CPSF3: variants seen among roughly 807,000 people sequenced by gnomAD.
CPSF3 encodes the protein cleavage and polyadenylation specificity factor subunit 3.
A neutral mutation model predicts 84.1 loss-of-function variants in CPSF3; 57 were observed. That is an observed-to-expected ratio of 0.68 (90% CI 0.55 to 0.85). CPSF3 has a LOEUF of 0.85. Among genes scored for constraint, CPSF3 ranks in the 40% least tolerant of loss-of-function variants. CPSF3 has a pLI of 0.00. For synonymous variants in CPSF3, 275 were observed against 278.1 expected, an observed-to-expected ratio of 0.99 and a Z score of 0.11; for missense variants, 522 against 838.8, an observed-to-expected ratio of 0.62 and a Z score of 4.66.
At chr2:9,457,845 T>C (rs1201320515) in intron 14 of CPSF3, among the ~76,000 whole-genome samples, 1 of 151,804 alleles carries the variant, frequency 6.6e-6, no homozygotes, top group Non-Finnish European at 1.5e-5. Flanking sequence ...CTCCACCTCC[T>C]AGGTTCAAAC....
chr2:9,429,856 C>T, intron 2 of CPSF3, 67 bp from the exon 3 acceptor site: 1 of 1,041,602 alleles, frequency 9.6e-7, no homozygotes, highest in Non-Finnish European at 1.5e-6. Context: ...AGAATTATTG[C>T]CTATTTGCCG....
chr2:9,434,925 A>G (rs1680722232), intron 6 of CPSF3, among the ~76,000 whole-genome samples: 1 of 152,246 alleles, frequency 6.6e-6, no homozygotes, highest in Non-Finnish European at 1.5e-5. Flanking sequence ...CATGTGGGCC[A>G]GTACATACTG....
chr2:9,437,524 A>G (rs1006413412), intron 7 of CPSF3, among the ~76,000 whole-genome samples: 5 of 152,140 alleles, frequency 3.3e-5, no homozygotes, highest in African/African-American at 1.2e-4. Flanking sequence ...TATGGATGAT[A>G]TTTTTTGTTT....
intron 1 of CPSF3, among the ~76,000 whole-genome samples, chr2:9,425,251 G>A (rs1457844216): frequency 2.0e-5 from 3 of 152,218 alleles, no homozygotes; most frequent in Non-Finnish European, 4.4e-5. Context: ...CAGATGAAGC[G>A]ACAGGCAGTT....
intron 7 of CPSF3, among the ~76,000 whole-genome samples, chr2:9,438,180 C>A (rs1193350848): frequency 6.6e-6 from 1 of 152,196 alleles, no homozygotes; most frequent in Non-Finnish European, 1.5e-5. Context: ...GAAATGACCC[C>A]AGATGAAAAG....
In CPSF3 at chr2:9,450,147, A is replaced by ATTTTT. The variant is rs750560891; in HGVS notation, c.1395+1816_1395+1820dup. ...CAAGTAGCTAGGACTACAGGCACAA[A>ATTTTT]TTTTTTTTTTTTTTTTTTTTTTTAG... On this transcript the variant is annotated intron_variant, in intron 11 of 17. Coordinates refer to ENST00000238112, the MANE Select transcript of CPSF3 (RefSeq NM_016207.4). Among the ~76,000 whole-genome samples, 6 of 122,688 alleles carry ATTTTT rather than the reference A, an allele frequency of 4.9e-5. 1 individual carries two copies. The highest frequency in any genetic ancestry group is 3.5e-5 in the Non-Finnish European group (2 of 56,778). 80.5% of individuals were successfully genotyped at this position (122,688 alleles called of 152,430 possible). A position where few individuals can be genotyped will look rare whatever the true frequency, so the allele number is the denominator to read the frequency against.
chr2:9,449,377 G>A (rs547008745), intron 11 of CPSF3, among the ~76,000 whole-genome samples: 6 of 152,198 alleles, frequency 3.9e-5, no homozygotes, highest in Admixed American at 2.0e-4. Context: ...GGTGAGCTGC[G>A]ATCGCGCCAA....
At chr2:9,432,812 T>TA in intron 5 of CPSF3, 124 bp downstream of exon 5, 2 of 652,380 alleles carry the variant, frequency 3.1e-6, no homozygotes, top group Non-Finnish European at 4.5e-6. Flanking sequence ...AAACATAAGA[T>TA]AAAAATACAG....
intron 7 of CPSF3, among the ~76,000 whole-genome samples, chr2:9,436,840 T>G (rs983992321): frequency 6.6e-6 from 1 of 151,378 alleles, no homozygotes; most frequent in Admixed American, 6.6e-5. Context: ...GCAACTCTCA[T>G]GCACTGCTGT....
chr2:9,435,013 G>C (rs560443576), intron 6 of CPSF3, among the ~76,000 whole-genome samples: 1 of 152,288 alleles, frequency 6.6e-6, no homozygotes, highest in Non-Finnish European at 1.5e-5. Context: ...TAATTTAAGG[G>C]AAGATTTATT....
chr2:9,440,927 T>G (rs550818814), intron 8 of CPSF3, among the ~76,000 whole-genome samples: 1 of 152,254 alleles, frequency 6.6e-6, no homozygotes, highest in South Asian at 2.1e-4. Context: ...GTCTTACCGC[T>G]TCTCAACAGG....
At chr2:9,436,163 C>T in intron 6 of CPSF3, 48 bp from the exon 7 acceptor site, 1 of 1,468,666 alleles carries the variant, frequency 6.8e-7, no homozygotes, top group Non-Finnish European at 9.1e-7. Context: ...CTTTTGAATT[C>T]TTGGAGGATC....
chr2:9,428,219 G>A (rs1229683605), intron 1 of CPSF3, among the ~76,000 whole-genome samples: 1 of 150,682 alleles, frequency 6.6e-6, no homozygotes. Context: ...GATGGGTCTC[G>A]ATATCCTGAT....
At chr2:9,456,422 T>G (rs1681528551) in intron 13 of CPSF3, among the ~76,000 whole-genome samples, 1 of 152,238 alleles carries the variant, frequency 6.6e-6, no homozygotes, top group Admixed American at 6.5e-5. Flanking sequence ...AGAATCTTTT[T>G]TTTAAACCTT....
At chr2:9,427,508 G>A (rs1039813450) in intron 1 of CPSF3, among the ~76,000 whole-genome samples, 16 of 152,176 alleles carry the variant, frequency 1.1e-4, no homozygotes, top group African/African-American at 3.1e-4. Context: ...TAAAGTGGAA[G>A]GCCAGGGTAT....
Position 9,466,194 on chromosome 2 carries a change from GCTCACA to G in CPSF3, c.1787-1511_1787-1506del, listed in dbSNP as rs1681905411. On this transcript the variant is annotated intron_variant, in intron 15 of 17. Coordinates refer to ENST00000238112, the MANE Select transcript of CPSF3 (RefSeq NM_016207.4). ...TGTCTCTACACGCACACACACACGCGCTCACACACACACGCGCACACACGCACGCAC... is the reference window on the plus strand; with the variant it reads ...TGTCTCTACACGCACACACACACGCGCACACACGCGCACACACGCACGCAC... Among the ~76,000 whole-genome samples, 7 of 145,136 alleles carry G rather than the reference GCTCACA, an allele frequency of 4.8e-5. 1 individual carries two copies. The highest frequency in any genetic ancestry group is 1.9e-4 in the African/African-American group (7 of 37,546).
At chr2:9,464,927 A>G (rs1264199422) in intron 15 of CPSF3, among the ~76,000 whole-genome samples, 1 of 151,522 alleles carries the variant, frequency 6.6e-6, no homozygotes, top group African/African-American at 2.4e-5. Flanking sequence ...GGGTCTTGCT[A>G]TGTTGCCAAG....
chr2:9,449,490 C>G lies in CPSF3; in HGVS notation c.1395+1140C>G, dbSNP rs185661998. 6.2e-3 allele frequency among the ~76,000 whole-genome samples: 942 copies of G among 152,036 alleles called. 38 individuals carry two copies. The highest frequency in any genetic ancestry group is 0.057 in the Admixed American group (863 of 15,260). On this transcript the variant is annotated intron_variant, in intron 11 of 17. Coordinates refer to ENST00000238112, the MANE Select transcript of CPSF3 (RefSeq NM_016207.4). ...GGCACGGTGGCTCACTCCTGTAATC[C>G]CAGGACTTTGGGAGGCCAAGTCAGG...
intron 11 of CPSF3, among the ~76,000 whole-genome samples, chr2:9,450,926 A>G (rs6705033): frequency 0.59 from 89,887 of 152,034 alleles, 28,169 homozygotes; most frequent in African/African-American, 0.74. Context: ...TGTTGTAAAT[A>G]GTCGTAGTTA....
Sources: gnomAD v4.1 joint callset for allele counts (sites outside exome capture counted in the v4.1 genomes callset) on GRCh38, gnomAD v4.1.1 for gene constraint, MANE v1.5 for transcripts, NCBI Gene and HGNC (gene_info 2026-07-23, HGNC 2026-07-21) for gene names.